DHX8: variants seen among roughly 807,000 people sequenced by gnomAD.
DHX8 encodes the protein DEAH-box helicase 8, also known as ATP-dependent RNA helicase DHX8.
Under a neutral mutation model 140.7 loss-of-function variants are expected in DHX8, and 67 were observed. The ratio of observed to expected loss-of-function variants is 0.48; its 90% CI spans 0.39 to 0.58. The LOEUF (loss-of-function observed/expected upper bound fraction) is 0.58, where lower values mean the gene tolerates loss of function less well. DHX8 is among the 20% of genes least tolerant of loss of function. The probability of loss-of-function intolerance (pLI) is 0.00; values close to 1 mark genes in which losing one functional copy is unlikely to be tolerated. For synonymous variants in DHX8, 533 were observed against 553.2 expected, an observed-to-expected ratio of 0.96 and a Z score of 0.51; for missense variants, 887 against 1,550.7, an observed-to-expected ratio of 0.57 and a Z score of 7.19.
intron 12 of DHX8, among the ~76,000 whole-genome samples, chr17:43,506,687 C>A (rs1447915684): frequency 1.3e-5 from 2 of 151,044 alleles, no homozygotes; most frequent in Non-Finnish European, 2.9e-5. Flanking sequence ...TTTAACTAGT[C>A]CTATATCCAT....
chr17:43,508,675 A>G (rs1007713378), intron 16 of DHX8, among the ~76,000 whole-genome samples, 155 bp downstream of exon 16: 3 of 149,080 alleles, frequency 2.0e-5, no homozygotes, highest in Admixed American at 6.8e-5. Flanking sequence ...GCAGGAGTGC[A>G]ATGGCACCAT....
chr17:43,504,062 G>A (rs1234947372), intron 11 of DHX8, among the ~76,000 whole-genome samples: 2 of 151,976 alleles, frequency 1.3e-5, no homozygotes, highest in Non-Finnish European at 2.9e-5. Context: ...GGGAAACAGA[G>A]CAAGACCCTG....
At chr17:43,496,299 T>A in intron 9 of DHX8, 31 bp downstream of exon 9, 1 of 1,527,066 alleles carries the variant, frequency 6.5e-7, no homozygotes, top group South Asian at 1.1e-5. Flanking sequence ...AGAAGGGTAA[T>A]TGGCAAGTTG....
chr17:43,493,978 C>T, intron 8 of DHX8, 92 bp downstream of exon 8: 9 of 1,289,402 alleles, frequency 7.0e-6, no homozygotes, highest in Non-Finnish European at 9.9e-6. Flanking sequence ...CCTGGGATAA[C>T]TTTTGGCCAC....
Position 43,533,036 on chromosome 17 carries a change from G to C in DHX8, c.351-3376G>C. The C allele has an allele frequency of 8.0e-6, 12 of 1,494,520 alleles. No homozygotes were observed. In the South Asian group the frequency reaches 1.3e-4, roughly 17 times the overall value. 92.6% of individuals were successfully genotyped at this position (1,494,520 alleles called of 1,614,324 possible). On this transcript the variant is annotated intron_variant, in intron 2 of 3. Transcript: ENST00000589898. ...AGGCTTTTAGAGTGGGCTCCGGAAT[G>C]GGGGGTAGGGGGTTGGGGTGTCAGT...
chr17:43,505,888 GCA>G (rs999428139), intron 12 of DHX8, among the ~76,000 whole-genome samples: 2 of 151,920 alleles, frequency 1.3e-5, no homozygotes, highest in African/African-American at 4.8e-5. Flanking sequence ...ACAAATATAT[GCA>G]CACACACGCA....
rs745987564 is a variant in DHX8, at chr17:43,500,038, G to A, written c.1481G>A (p.Arg494Gln). The A allele has an allele frequency of 7.4e-6, 12 of 1,614,030 alleles. No homozygotes were observed. Among genetic ancestry groups the A allele is most frequent in the Non-Finnish European group, 8.5e-6 (10 of 1,180,020 alleles). Residue 494 changes from arginine (R) to glutamine (Q), a missense_variant, in exon 11 of 23, where the codon CGG becomes CAG. By Grantham distance (43) the Arg-to-Gln change is conservative. This residue lies in a region of DHX8 where 178 missense variants were observed against 398.5 expected (regional missense o/e 0.45). Transcript: ENST00000262415. ...KERRELKQAQREAEMDSIPMG... is the reference protein window; with the variant it reads ...KERRELKQAQQEAEMDSIPMG... Reference sequence around the variant, plus strand: ...AGGCGGGAACTCAAACAGGCCCAGCGGGAAGCTGAGATGGATTCTATTCCC... The same window carrying A: ...AGGCGGGAACTCAAACAGGCCCAGCAGGAAGCTGAGATGGATTCTATTCCC...
At chr17:43,504,881 G>T in intron 12 of DHX8, 56 bp downstream of exon 12, 1 of 1,494,006 alleles carries the variant, frequency 6.7e-7, no homozygotes, top group Non-Finnish European at 9.1e-7. Context: ...CTAAAAGAGG[G>T]GTGATATTTT....
intron 12 of DHX8, 83 bp downstream of exon 12, chr17:43,504,908 G>A (rs1430506376): frequency 3.1e-6 from 4 of 1,272,358 alleles, no homozygotes; most frequent in Admixed American, 2.3e-5. Context: ...GAAACTAACG[G>A]GACAAGTATG....
downstream of DHX8, chr17:43,529,205 C>T: frequency 5.0e-6 from 8 of 1,613,946 alleles, no homozygotes; most frequent in East Asian, 2.2e-5. Context: ...CATGGCTGGC[C>T]GGTTCTTCTG....
chr17:43,511,704 C>T (rs958771976), intron 16 of DHX8, among the ~76,000 whole-genome samples: 2 of 150,728 alleles, frequency 1.3e-5, no homozygotes, highest in African/African-American at 4.9e-5. Context: ...ATGATCCATC[C>T]GCCTCAGCCT....
rs772453742 is a variant in DHX8, at chr17:43,484,048, C to CT, written c.12dup (p.Val5CysfsTer33). On this transcript the variant is annotated frameshift_variant, in exon 1 of 23. Transcript: ENST00000262415. LOFTEE classifies it high-confidence loss of function. Reference sequence around the variant, plus strand: ...GGGCAAGCTATAGCCATGGCTGTGGCTGTAGCCATGGCGGGAGCCTTAATC... The same window carrying CT: ...GGGCAAGCTATAGCCATGGCTGTGGCTTGTAGCCATGGCGGGAGCCTTAATC... The CT allele has an allele frequency of 1.1e-5, 18 of 1,613,876 alleles. No individual in the cohort carries two copies. The highest frequency in any genetic ancestry group is 1.4e-5 in the Non-Finnish European group (16 of 1,179,912).
intron 22 of DHX8, among the ~76,000 whole-genome samples, chr17:43,523,082 A>C (rs1272914307): frequency 6.6e-6 from 1 of 151,722 alleles, no homozygotes; most frequent in Non-Finnish European, 1.5e-5. Context: ...AAAAAAAAGA[A>C]AGAAAAAAAC....
At chr17:43,529,244 C>A (rs1301901707), downstream of DHX8, 15 of 1,613,778 alleles carry the variant, frequency 9.3e-6, no homozygotes, top group Non-Finnish European at 1.2e-5. Context: ...GACCTGGGAA[C>A]AAAACAGTTT....
At chr17:43,493,989 T>C in intron 8 of DHX8, 103 bp downstream of exon 8, 1 of 1,123,924 alleles carries the variant, frequency 8.9e-7, no homozygotes, top group Admixed American at 2.2e-5. Flanking sequence ...TTTTGGCCAC[T>C]GTATTAGTCT....
At position 43,492,254 on chromosome 17, in the gene DHX8, C is replaced by G. The variant is rs148120687; in HGVS notation, c.465C>G (p.Ser155Arg). ...AAGAACTGGAAGCTTTAATGCCCAG[C>G]GCAGCAGGCCAGGAGAAGCAAAGAG... ...VLKELEALMP[S>R]AAGQEKQRDA... Residue 155 changes from serine (S) to arginine (R), a missense_variant, in exon 5 of 23, where the codon AGC becomes AGG. Ser to Arg is a moderately radical substitution (Grantham distance 110, BLOSUM62 -1). Coordinates refer to ENST00000262415, the MANE Select transcript of DHX8 (RefSeq NM_004941.3). The G allele has an allele frequency of 1.1e-5, 17 of 1,613,836 alleles. No homozygotes were observed. In the Admixed American group the frequency reaches 2.2e-4, roughly 21 times the overall value.
chr17:43,493,376 T>G, intron 6 of DHX8, 69 bp from the exon 7 acceptor site: 2 of 1,576,722 alleles, frequency 1.3e-6, no homozygotes, highest in Non-Finnish European at 1.7e-6. Context: ...TTAGTTCCAG[T>G]AAGGGTAGAA....
At chr17:43,494,486 C>G (rs1229459185) in intron 8 of DHX8, among the ~76,000 whole-genome samples, 1 of 151,992 alleles carries the variant, frequency 6.6e-6, no homozygotes, top group African/African-American at 2.4e-5. Flanking sequence ...CTTTGGGAAG[C>G]TGAGGCGGGC....
downstream of DHX8, among the ~76,000 whole-genome samples, chr17:43,531,422 A>G (rs1470616234): frequency 6.6e-6 from 1 of 152,118 alleles, no homozygotes; most frequent in Non-Finnish European, 1.5e-5. Context: ...AGAAGTCCCT[A>G]CTTCCTCTGC....
Sources: gnomAD v4.1 joint callset for allele counts (sites outside exome capture counted in the v4.1 genomes callset) on GRCh38, gnomAD v4.1.1 for gene constraint, gnomAD v4.1.1 regional missense constraint, MANE v1.5 for transcripts, NCBI Gene and HGNC (gene_info 2026-07-23, HGNC 2026-07-21) for gene names.